Variants in DNAI3 observed in about 807,000 individuals in gnomAD.
DNAI3 encodes dynein axonemal intermediate chain 3.
A neutral mutation model predicts 115.5 loss-of-function variants in DNAI3; 83 were observed. The observed-to-expected ratio is 0.72, with a 90% confidence interval of 0.60 to 0.86. DNAI3 has a LOEUF of 0.86. Among genes scored for constraint, DNAI3 ranks in the 40% least tolerant of loss-of-function variants. DNAI3 has a pLI of 0.00. For synonymous variants in DNAI3, 320 were observed against 347.0 expected (o/e 0.92, Z 0.86); for missense variants, 1,004 against 1,075.8 (o/e 0.93, Z 0.93).
chr1:85,087,840 A>T (rs1399102762), intron 7 of DNAI3, among the ~76,000 whole-genome samples: 1 of 152,172 alleles, frequency 6.6e-6, no homozygotes, highest in Non-Finnish European at 1.5e-5. Flanking sequence ...AGCACCATGG[A>T]ATGCAATACA....
chr1:85,128,572 AT>A (rs1353600022), intron 20 of DNAI3, 135 bp from the exon 21 acceptor site: 3 of 664,454 alleles, frequency 4.5e-6, no homozygotes, highest in Non-Finnish European at 7.8e-6. Context: ...TGAACATCTG[AT>A]GAAAATGCCA....
chr1:85,123,504 T>C (rs1656045191), intron 18 of DNAI3, among the ~76,000 whole-genome samples: 1 of 152,196 alleles, frequency 6.6e-6, no homozygotes, highest in South Asian at 2.1e-4. Flanking sequence ...CCTTAGGACT[T>C]TGGTGTGTGT....
chr1:85,115,006 C>G (rs1193356524), intron 16 of DNAI3, among the ~76,000 whole-genome samples: 2 of 152,168 alleles, frequency 1.3e-5, no homozygotes, highest in Non-Finnish European at 2.9e-5. Flanking sequence ...GTTGGAATAG[C>G]CTTTAGAGCC....
intron 17 of DNAI3, among the ~76,000 whole-genome samples, chr1:85,118,576 C>T (rs144272618): frequency 1.3e-5 from 2 of 152,246 alleles, no homozygotes; most frequent in African/African-American, 4.8e-5. Flanking sequence ...ATAGCTCAGT[C>T]TCACCAGAAT....
intron 8 of DNAI3, among the ~76,000 whole-genome samples, chr1:85,091,605 C>T (rs1427616703): frequency 1.3e-5 from 2 of 152,154 alleles, no homozygotes; most frequent in African/African-American, 4.8e-5. Context: ...TGGAAGAAAG[C>T]CCTTTTAGAA....
chr1:85,091,708 G>C (rs1654980697), intron 8 of DNAI3, among the ~76,000 whole-genome samples: 1 of 152,102 alleles, frequency 6.6e-6, no homozygotes, highest in Non-Finnish European at 1.5e-5. Flanking sequence ...ATGAGAGAGA[G>C]GAACTTCAGG....
intron 17 of DNAI3, 23 bp downstream of exon 17, chr1:85,117,882 T>G: frequency 6.2e-7 from 1 of 1,607,718 alleles, no homozygotes; most frequent in Non-Finnish European, 8.5e-7. Flanking sequence ...TATCTGCTTT[T>G]AAAATTAATA....
intron 15 of DNAI3, among the ~76,000 whole-genome samples, chr1:85,109,235 G>T (rs995017010): frequency 1.3e-5 from 2 of 152,128 alleles, no homozygotes; most frequent in Admixed American, 6.5e-5. Context: ...CAAACTTGAT[G>T]GCTCTCTTTC....
chr1:85,081,389 TTC>T lies in DNAI3; in HGVS notation c.260_261del (p.Phe87SerfsTer14). ...GCGCAACAGAGCTGCAGTATCTGATTTCCACCCAGTCAAAAAAATTGTCCAGG... is the reference window on the plus strand; with the variant it reads ...GCGCAACAGAGCTGCAGTATCTGATTCACCCAGTCAAAAAAATTGTCCAGG... ...DLRNRAAVSD[F>X]HPVKKIVQEY... On this transcript the variant is annotated frameshift_variant, in exon 4 of 23. Transcript: ENST00000294664. LOFTEE classifies it high-confidence loss of function. 6.3e-7 allele frequency: 1 copy of T among 1,578,862 alleles called. No individual in the cohort carries two copies. The highest frequency in any genetic ancestry group is 8.5e-7 in the Non-Finnish European group (1 of 1,169,776).
chr1:85,066,314 C>CATTTTTTTTTTTTTTTTTTTT (rs1553164760), intron 1 of DNAI3, among the ~76,000 whole-genome samples: 2 of 70,014 alleles, frequency 2.9e-5, no homozygotes, highest in African/African-American at 1.2e-4. Flanking sequence ...TTCTGCTACT[C>CATTTTTTTTTTTTTTTTTTTT]TTTTTTTTTT....
chr1:85,064,466 G>A (rs1654028070), intron 1 of DNAI3, among the ~76,000 whole-genome samples: 1 of 152,168 alleles, frequency 6.6e-6, no homozygotes, highest in Non-Finnish European at 1.5e-5. Flanking sequence ...AAGGACCCAG[G>A]AGAATCTTGA....
chr1:85,107,517 C>T (rs182748198), intron 14 of DNAI3, among the ~76,000 whole-genome samples: 64 of 152,268 alleles, frequency 4.2e-4, no homozygotes, highest in African/African-American at 1.2e-3. Flanking sequence ...ATTAAATGTC[C>T]AGCATAGTAA....
In DNAI3 at chr1:85,108,137, C is replaced by CT. The variant is rs756638834; in HGVS notation, c.1664dup (p.Leu555PhefsTer12). On this transcript the variant is annotated frameshift_variant, in exon 15 of 23. Coordinates refer to ENST00000294664, the MANE Select transcript of DNAI3 (RefSeq NM_145172.5). LOFTEE classifies it high-confidence loss of function. ...GAAATTCCTTTTGATGTACCATCTA[C>CT]TTTTTTGCATCTGGATCTCTCCTGG... 2 of 1,606,574 alleles carry CT rather than the reference C, an allele frequency of 1.2e-6. No individual in the cohort carries two copies. Among genetic ancestry groups the CT allele is most frequent in the Admixed American group, 1.7e-5 (1 of 58,548 alleles).
At chr1:85,114,137 C>T (rs1216936355) in intron 16 of DNAI3, among the ~76,000 whole-genome samples, 3 of 151,552 alleles carry the variant, frequency 2.0e-5, no homozygotes, top group South Asian at 4.2e-4. Flanking sequence ...CTCAGCCTCC[C>T]GAGTAGCTGG....
chr1:85,063,395 G>A (rs904277344), intron 1 of DNAI3, among the ~76,000 whole-genome samples: 7 of 152,102 alleles, frequency 4.6e-5, no homozygotes, highest in Non-Finnish European at 7.4e-5. Flanking sequence ...CGACTGTTTG[G>A]GAATGAATGG....
intron 20 of DNAI3, among the ~76,000 whole-genome samples, chr1:85,127,313 T>C (rs1656177101): frequency 6.6e-6 from 1 of 152,230 alleles, no homozygotes; most frequent in Admixed American, 6.5e-5. Context: ...AATTCAATGA[T>C]GTGTCTATAG....
intron 1 of DNAI3, among the ~76,000 whole-genome samples, chr1:85,067,059 C>T (rs942084060): frequency 6.6e-6 from 1 of 152,096 alleles, no homozygotes; most frequent in African/African-American, 2.4e-5. Flanking sequence ...CAAAATTTTG[C>T]CTGAAACTGA....
At chr1:85,076,341 A>G (rs1654453965) in intron 3 of DNAI3, among the ~76,000 whole-genome samples, 1 of 152,214 alleles carries the variant, frequency 6.6e-6, no homozygotes. Flanking sequence ...TGAAAAATAA[A>G]TAAATAAATA....
At chr1:85,115,059 G>A (rs1265612980) in intron 16 of DNAI3, among the ~76,000 whole-genome samples, 1 of 152,170 alleles carries the variant, frequency 6.6e-6, no homozygotes, top group East Asian at 1.9e-4. Flanking sequence ...CAGCTATGAC[G>A]GTAGATTCTG....
Sources: allele counts gnomAD v4.1 joint callset (sites outside exome capture counted in the v4.1 genomes callset), GRCh38; gene constraint gnomAD v4.1.1; transcripts MANE v1.5; gene names NCBI Gene and HGNC (gene_info 2026-07-23, HGNC 2026-07-21).